Variants in FSHR observed in about 807,000 individuals in gnomAD.
FSHR encodes follicle-stimulating hormone receptor.
Under a neutral mutation model 52.1 loss-of-function variants are expected in FSHR, and 46 were observed. That is an observed-to-expected ratio of 0.88 (90% confidence interval 0.70 to 1.13). The LOEUF (loss-of-function observed/expected upper bound fraction) is 1.13, where lower values mean the gene tolerates loss of function less well. Among genes scored for constraint, FSHR ranks in the 50% most tolerant of loss-of-function variants. FSHR has a pLI of 0.00. For synonymous variants in FSHR, 399 were observed against 309.6 expected (o/e 1.29, Z -3.03); for missense variants, 964 against 834.6 (o/e 1.16, Z -1.91).
At chr2:49,146,992 G>T (rs1194280929) in intron 1 of FSHR, among the ~76,000 whole-genome samples, 1 of 152,028 alleles carries the variant, frequency 6.6e-6, no homozygotes, top group Non-Finnish European at 1.5e-5. Flanking sequence ...ATGCAAAAAA[G>T]GGCTCATGTC....
At chr2:49,127,790 C>A (rs866935964) in intron 1 of FSHR, among the ~76,000 whole-genome samples, 3 of 53,810 alleles carry the variant, frequency 5.6e-5, no homozygotes, top group Non-Finnish European at 1.0e-4. Flanking sequence ...TCTTCTTCTT[C>A]TTCTTCTTCT....
rs1467766420 is a variant in FSHR at position 49,021,863 on chromosome 2, C to CTCTATATATATA, written c.225-1704_225-1703insTATATATATAGA. 1.6e-4 allele frequency among the ~76,000 whole-genome samples: 8 copies of CTCTATATATATA among 49,870 alleles called. 1 individual carries two copies. Among genetic ancestry groups the CTCTATATATATA allele is most frequent in the South Asian group, 1.0e-3 (1 of 996 alleles). 32.7% of individuals were successfully genotyped at this position (49,870 alleles called of 152,430 possible). A position where few individuals can be genotyped will look rare whatever the true frequency, so the allele number is the denominator to read the frequency against. ...TCTCTCTCTCTCTCTCTCTCTCTCTCTATATATATATATATATATATATAG... is the reference window on the plus strand; with the variant it reads ...TCTCTCTCTCTCTCTCTCTCTCTCTCTCTATATATATATATATATATATATATATATATATAG... On this transcript the variant is annotated intron_variant, in intron 2 of 9. Transcript: ENST00000406846.
At chr2:49,129,559 G>T (rs1473669831) in intron 1 of FSHR, among the ~76,000 whole-genome samples, 1 of 152,166 alleles carries the variant, frequency 6.6e-6, no homozygotes, top group African/African-American at 2.4e-5. Flanking sequence ...GCCTTTTTGT[G>T]TACAAGACAG....
At chr2:49,145,079 C>T (rs1672821716) in intron 1 of FSHR, among the ~76,000 whole-genome samples, 1 of 151,966 alleles carries the variant, frequency 6.6e-6, no homozygotes, top group African/African-American at 2.4e-5. Flanking sequence ...GCATACACAG[C>T]CCATTGACGG....
chr2:48,968,709 C>G lies in FSHR; in HGVS notation c.843G>C (p.Trp281Cys). ...YPSHCCAFAN[W>C]RRQISELHPI... The stretch of plus-strand genomic sequence containing the variant: ...AAGGATGGACTCACATTTGCCGTCT[C>G]CAGTTTGCAAAGGCACAGCAATGGC... Residue 281 changes from tryptophan (W) to cysteine (C), a missense_variant, in exon 9 of 10, where the codon TGG becomes TGC. By Grantham distance (215) the Trp-to-Cys change is radical (BLOSUM62 -2). Transcript: ENST00000406846. 4 of 1,614,124 alleles carry G rather than the reference C, an allele frequency of 2.5e-6. No individual in the cohort carries two copies. Among genetic ancestry groups the G allele is most frequent in the South Asian group, 1.1e-5 (1 of 91,082 alleles).
intron 2 of FSHR, among the ~76,000 whole-genome samples, chr2:49,041,552 C>T (rs1348589724): frequency 6.6e-6 from 1 of 152,086 alleles, no homozygotes; most frequent in Non-Finnish European, 1.5e-5. Flanking sequence ...TTTTAGTCTT[C>T]ATGTTATTTG....
chr2:49,013,286 A>G (rs1667343919), intron 4 of FSHR, among the ~76,000 whole-genome samples: 1 of 151,438 alleles, frequency 6.6e-6, no homozygotes, highest in Admixed American at 6.6e-5. Flanking sequence ...TACTTAGCGT[A>G]TGGTATTTTG....
chr2:49,002,269 A>G (rs770862386), intron 4 of FSHR, among the ~76,000 whole-genome samples: 1 of 152,070 alleles, frequency 6.6e-6, no homozygotes, highest in Non-Finnish European at 1.5e-5. Flanking sequence ...CATTGCTTTT[A>G]ACTTTCAAAA....
At chr2:49,144,062 T>G (rs1165392219) in intron 1 of FSHR, among the ~76,000 whole-genome samples, 1 of 152,152 alleles carries the variant, frequency 6.6e-6, no homozygotes, top group East Asian at 1.9e-4. Flanking sequence ...AGGGAGTTTT[T>G]GGACTTGAGG....
At position 48,962,413 on chromosome 2, in the gene FSHR, C is replaced by A; in HGVS notation, c.*320G>T. On this transcript the variant is annotated 3_prime_UTR_variant, in exon 10 of 10. Transcript: ENST00000406846. The stretch of plus-strand genomic sequence containing the variant: ...TCATTTGTAAAACTCCAAGAATAAT[C>A]CCTGTCCTGCTTATTTAACAGGGAT... 1 of 332,134 alleles carries A rather than the reference C, an allele frequency of 3.0e-6. No individual in the cohort carries two copies. Among genetic ancestry groups the A allele is most frequent in the South Asian group, 2.9e-5 (1 of 34,462 alleles). The allele number at this position is 332,134 out of a possible 1,614,324, so 20.6% of individuals were successfully genotyped here.
intron 1 of FSHR, among the ~76,000 whole-genome samples, chr2:49,070,141 T>C (rs750297852): frequency 8.5e-5 from 13 of 152,106 alleles, no homozygotes; most frequent in Non-Finnish European, 1.3e-4. Context: ...CAGGAAACAG[T>C]TGAGGGCTAT....
At chr2:49,061,052 G>C (rs1669270026) in intron 2 of FSHR, among the ~76,000 whole-genome samples, 1 of 151,962 alleles carries the variant, frequency 6.6e-6, no homozygotes, top group Non-Finnish European at 1.5e-5. Context: ...TCTTCTGAGG[G>C]ATCAAGGTAG....
At chr2:48,970,491 G>A (rs376286271) in intron 8 of FSHR, among the ~76,000 whole-genome samples, 6 of 151,882 alleles carry the variant, frequency 4.0e-5, no homozygotes, top group Admixed American at 2.0e-4. Flanking sequence ...TGACATCTCC[G>A]TTGACTTCTT....
chr2:49,129,960 A>G (rs1435094012), intron 1 of FSHR, among the ~76,000 whole-genome samples: 2 of 152,150 alleles, frequency 1.3e-5, no homozygotes, highest in South Asian at 2.1e-4. Context: ...CTATTTCTCA[A>G]TTTCCTTAAC....
intron 1 of FSHR, among the ~76,000 whole-genome samples, chr2:49,132,415 C>T (rs1322277266): frequency 6.6e-6 from 1 of 152,096 alleles, no homozygotes; most frequent in Non-Finnish European, 1.5e-5. Flanking sequence ...CACTGGAAAG[C>T]ATCTTTTCAG....
chr2:49,078,531 A>G (rs1439137711), intron 1 of FSHR, among the ~76,000 whole-genome samples: 1 of 152,220 alleles, frequency 6.6e-6, no homozygotes, highest in African/African-American at 2.4e-5. Context: ...TAAATAAATA[A>G]TACATTATTA....
At chr2:49,021,886 T>TATATATATATATAGAG (rs1273265515) in intron 2 of FSHR, among the ~76,000 whole-genome samples, 26 of 25,086 alleles carry the variant, frequency 1.0e-3, no homozygotes, top group Non-Finnish European at 1.5e-3. Context: ...TATATATATA[T>TATATATATATATAGAG]AGAGAGAGAG....
chr2:49,084,781 C>G (rs1453625896), intron 1 of FSHR, among the ~76,000 whole-genome samples: 1 of 152,132 alleles, frequency 6.6e-6, no homozygotes, highest in Non-Finnish European at 1.5e-5. Flanking sequence ...TACACTCTCC[C>G]AAGACTAAAC....
chr2:49,086,301 A>T (rs959287347), intron 1 of FSHR, among the ~76,000 whole-genome samples: 6 of 152,146 alleles, frequency 3.9e-5, no homozygotes, highest in African/African-American at 1.2e-4. Flanking sequence ...AAAATTGCAG[A>T]TTTATGGCTT....
Sources: allele counts gnomAD v4.1 joint callset (sites outside exome capture counted in the v4.1 genomes callset), GRCh38; gene constraint gnomAD v4.1.1; transcripts MANE v1.5; gene names NCBI Gene and HGNC (gene_info 2026-07-23, HGNC 2026-07-21).